The following ELK4 variants were observed in gnomAD, a reference collection of about 807,000 sequenced individuals.
The protein encoded by ELK4 is ETS domain-containing protein Elk-4.
In ELK4, 16 loss-of-function variants were observed where a neutral mutation model predicts 29.6. The ratio of observed to expected loss-of-function variants is 0.54; its 90% CI spans 0.37 to 0.82. The LOEUF is 0.82. ELK4 is among the 40% of genes least tolerant of loss of function. The pLI is 0.00. For synonymous variants in ELK4, 213 were observed against 191.1 expected (o/e 1.11, Z -0.95); for missense variants, 465 against 507.1 (o/e 0.92, Z 0.80).
chr1:205,631,596 G>C (rs1029978181), intron 1 of ELK4, 36 bp downstream of exon 1: 8 of 193,314 alleles, frequency 4.1e-5, no homozygotes, highest in Admixed American at 1.2e-4. Flanking sequence ...CTGTGGCCGC[G>C]AGATCCCGAG....
At chr1:205,630,646 C>T (rs1382947879) in intron 1 of ELK4, among the ~76,000 whole-genome samples, 1 of 152,172 alleles carries the variant, frequency 6.6e-6, no homozygotes, top group African/African-American at 2.4e-5. Flanking sequence ...ACAGTTCTTA[C>T]AATATTCTTA....
Position 205,620,482 on chromosome 1 carries a change from G to A in ELK4, c.564C>T (p.Val188=). ...KKSPQEPTPS[V]IKFVTTPSKK... ...TGGAAGGTGTCGTGACAAATTTGATGACAGATGGTGTGGGCTCCTGAGGAG... is the reference window on the plus strand; with the variant it reads ...TGGAAGGTGTCGTGACAAATTTGATAACAGATGGTGTGGGCTCCTGAGGAG... The change falls in exon 3 of 5, where the codon GTC becomes GTT. Residue 188 remains valine, a synonymous_variant. Coordinates refer to ENST00000357992, the MANE Select transcript of ELK4 (RefSeq NM_001973.4). 6.2e-7 allele frequency: 1 copy of A among 1,614,198 alleles called. No homozygotes were observed. The highest frequency in any genetic ancestry group is 8.5e-7 in the Non-Finnish European group (1 of 1,180,020).
intron 3 of ELK4, 86 bp downstream of exon 3, chr1:205,619,880 C>T: frequency 6.2e-7 from 1 of 1,613,718 alleles, no homozygotes; most frequent in Non-Finnish European, 8.5e-7. Context: ...TAACAGAAAG[C>T]AAACTTGAGT....
rs2102372618 is a variant in ELK4 at position 205,610,897 on chromosome 1, T to C, written c.*5649A>G. On this transcript the variant is annotated 3_prime_UTR_variant, in exon 5 of 5. Coordinates refer to ENST00000357992, the MANE Select transcript of ELK4 (RefSeq NM_001973.4). ...ATGGTCTAGTCTCCCAATTAAATAT[T>C]TCAAAGTAAAGTTTTCAACCTCATA... The C allele has an allele frequency of 8.7e-6, 2 of 228,840 alleles. No individual in the cohort carries two copies. Among genetic ancestry groups the C allele is most frequent in the Middle Eastern group, 2.6e-3 (2 of 764 alleles). 14.2% of individuals were successfully genotyped at this position (228,840 alleles called of 1,614,324 possible).
At position 205,610,794 on chromosome 1, in the gene ELK4, C is replaced by T. The variant is rs1478908558; in HGVS notation, c.*5752G>A. The stretch of plus-strand genomic sequence containing the variant: ...ACACGCGCACACACACACACACACA[C>T]ATTCAGTCAATACATCAGTATATAT... On this transcript the variant is annotated 3_prime_UTR_variant, in exon 5 of 5. Transcript: ENST00000357992. The T allele has an allele frequency of 3.0e-5, 7 of 231,546 alleles. No homozygotes were observed. In the East Asian group the frequency reaches 3.1e-4, roughly 10 times the overall value. 14.3% of individuals were successfully genotyped at this position (231,546 alleles called of 1,614,324 possible). A position where few individuals can be genotyped will look rare whatever the true frequency, so the allele number is the denominator to read the frequency against.
In ELK4 at chr1:205,631,622, GACCGCTCACCGACGCCGCGCGCGGGGCTC is replaced by G; in HGVS notation, c.-29_-10+9del. On this transcript the variant is annotated splice_donor_variant and splice_donor_5th_base_variant and 5_prime_UTR_variant and intron_variant, in exon 1 of 5. Coordinates refer to ENST00000357992, the MANE Select transcript of ELK4 (RefSeq NM_001973.4). LOFTEE classifies it low-confidence loss of function (5UTR_SPLICE). ...AGATCCCGAGGGGGCGCGCGGGGCTGACCGCTCACCGACGCCGCGCGCGGGGCTCCCCCTCGGTCTCCGCCTCGAACACG... is the reference window on the plus strand; with the variant it reads ...AGATCCCGAGGGGGCGCGCGGGGCTGCCCCTCGGTCTCCGCCTCGAACACG... 3.2e-6 allele frequency: 1 copy of G among 309,902 alleles called. No individual in the cohort carries two copies. Among genetic ancestry groups the G allele is most frequent in the Non-Finnish European group, 6.7e-6 (1 of 149,244 alleles). The allele number at this position is 309,902 out of a possible 1,614,324, so 19.2% of individuals were successfully genotyped here. A position where few individuals can be genotyped will look rare whatever the true frequency, so the allele number is the denominator to read the frequency against.
In ELK4 at chr1:205,619,962, C is replaced by G; in HGVS notation, c.1080+4G>C. On this transcript the variant is annotated splice_donor_region_variant and intron_variant, in intron 3 of 4. Transcript: ENST00000357992. ...GGTGACACCATAAAGAGCGAGCAAG[C>G]TACCTGTGAAAAAAATGCTGGTGTA... is the stretch of plus-strand genomic sequence containing the variant. The G allele has an allele frequency of 2.5e-6, 4 of 1,614,156 alleles. No individual in the cohort carries two copies. The highest frequency in any genetic ancestry group is 3.4e-6 in the Non-Finnish European group (4 of 1,180,028).
At chr1:205,622,902 C>T (rs1670376570) in intron 2 of ELK4, among the ~76,000 whole-genome samples, 2 of 152,072 alleles carry the variant, frequency 1.3e-5, no homozygotes, top group Non-Finnish European at 2.9e-5. Flanking sequence ...CTTTGGGAGG[C>T]CAAGGCAGGT....
chr1:205,626,463 C>A (rs1416037048), intron 1 of ELK4, among the ~76,000 whole-genome samples: 1 of 152,106 alleles, frequency 6.6e-6, no homozygotes, highest in Non-Finnish European at 1.5e-5. Context: ...GCCCAAGGGG[C>A]TCAGAACCCC....
In ELK4 at chr1:205,610,733, G is replaced by A. The variant is rs1238822179; in HGVS notation, c.*5813C>T. ...TAAGTTTTAGTATAAAATAGACTAG[G>A]AGCCATCAATGTATGTTCCCTATGA... On this transcript the variant is annotated 3_prime_UTR_variant, in exon 5 of 5. Coordinates refer to ENST00000357992, the MANE Select transcript of ELK4 (RefSeq NM_001973.4). 1 of 232,030 alleles carries A rather than the reference G, an allele frequency of 4.3e-6. No individual in the cohort carries two copies. Among genetic ancestry groups the A allele is most frequent in the Non-Finnish European group, 8.5e-6 (1 of 117,496 alleles). The allele number at this position is 232,030 out of a possible 1,614,324, so 14.4% of individuals were successfully genotyped here.
rs1670171302 is a variant in ELK4 at position 205,612,736 on chromosome 1, G to A, written c.*3810C>T. The A allele has an allele frequency of 4.8e-6, 1 of 210,154 alleles. No individual in the cohort carries two copies. The highest frequency in any genetic ancestry group is 9.7e-6 in the Non-Finnish European group (1 of 103,556). The allele number at this position is 210,154 out of a possible 1,614,324, so 13.0% of individuals were successfully genotyped here. The stretch of plus-strand genomic sequence containing the variant: ...GTTGTCAGACTGGACGTCACACAAT[G>A]CAGGGGTGAATGGAACTGAAGTGAT... On this transcript the variant is annotated 3_prime_UTR_variant, in exon 5 of 5. Coordinates refer to ENST00000357992, the MANE Select transcript of ELK4 (RefSeq NM_001973.4).
At chr1:205,622,422 A>G (rs1411881403) in intron 2 of ELK4, among the ~76,000 whole-genome samples, 1 of 152,150 alleles carries the variant, frequency 6.6e-6, no homozygotes, top group Non-Finnish European at 1.5e-5. Flanking sequence ...TTTCTCCCCA[A>G]CAAGACAGGG....
In ELK4 at chr1:205,614,944, T is replaced by A. The variant is rs998180682; in HGVS notation, c.*1602A>T. 1 of 215,520 alleles carries A rather than the reference T, an allele frequency of 4.6e-6. No homozygotes were observed. 13.4% of individuals were successfully genotyped at this position (215,520 alleles called of 1,614,324 possible). A position where few individuals can be genotyped will look rare whatever the true frequency, so the allele number is the denominator to read the frequency against. On this transcript the variant is annotated 3_prime_UTR_variant, in exon 5 of 5. Transcript: ENST00000357992. Reference sequence around the variant, plus strand: ...ACTGTGATACTGATATCAATTCAGTTTGGGGAACCAACAAATCTGTACCTG... The same window carrying A: ...ACTGTGATACTGATATCAATTCAGTATGGGGAACCAACAAATCTGTACCTG...
chr1:205,609,862 A>G lies in ELK4; in HGVS notation c.*6684T>C. 8.8e-6 allele frequency: 2 copies of G among 227,086 alleles called. No homozygotes were observed. Among genetic ancestry groups the G allele is most frequent in the Non-Finnish European group, 1.8e-5 (2 of 114,214 alleles). The allele number at this position is 227,086 out of a possible 1,614,324, so 14.1% of individuals were successfully genotyped here. A position where few individuals can be genotyped will look rare whatever the true frequency, so the allele number is the denominator to read the frequency against. On this transcript the variant is annotated 3_prime_UTR_variant, in exon 5 of 5. Transcript: ENST00000357992. ...CTAGCCAAAAGGGCATACCTTACAGAGCCTAGAAGAATGGCTCATTAGGTA... is the reference window on the plus strand; with the variant it reads ...CTAGCCAAAAGGGCATACCTTACAGGGCCTAGAAGAATGGCTCATTAGGTA...
intron 3 of ELK4, 33 bp downstream of exon 3, chr1:205,619,933 C>G (rs1343375010): frequency 6.2e-7 from 1 of 1,613,958 alleles, no homozygotes; most frequent in African/African-American, 1.3e-5. Context: ...TAAATGAAAG[C>G]AATGGTGACA....
chr1:205,621,818 T>G (rs1670355992), intron 2 of ELK4, among the ~76,000 whole-genome samples: 1 of 150,884 alleles, frequency 6.6e-6, no homozygotes, highest in Admixed American at 6.6e-5. Context: ...CGCGCCCGGC[T>G]GTGAAAAAGG....
At chr1:205,624,504 A>G (rs140437987) in intron 1 of ELK4, among the ~76,000 whole-genome samples, 2 of 152,336 alleles carry the variant, frequency 1.3e-5, no homozygotes, top group African/African-American at 4.8e-5. Context: ...TGAATTCAGC[A>G]AAGTGTTCTC....
chr1:205,618,090 A>C (rs1433542365), intron 4 of ELK4, among the ~76,000 whole-genome samples: 1 of 151,992 alleles, frequency 6.6e-6, no homozygotes, highest in Non-Finnish European at 1.5e-5. Flanking sequence ...CAGCGGTGCC[A>C]TTATAGCTCA....
Position 205,620,483 on chromosome 1 carries a change from A to G in ELK4, c.563T>C (p.Val188Ala), listed in dbSNP as rs774290171. The change falls in exon 3 of 5, where the codon GTC becomes GCC. Residue 188 changes from valine (V) to alanine (A), a missense_variant. By Grantham distance (64) the Val-to-Ala change is moderately conservative (BLOSUM62 0). Around this residue, in one of 2 missense-constraint regions of ELK4, gnomAD observed 385 missense variants for 387.5 expected, o/e 0.99. Coordinates refer to ENST00000357992, the MANE Select transcript of ELK4 (RefSeq NM_001973.4). ...GGAAGGTGTCGTGACAAATTTGATGACAGATGGTGTGGGCTCCTGAGGAGA... is the reference window on the plus strand; with the variant it reads ...GGAAGGTGTCGTGACAAATTTGATGGCAGATGGTGTGGGCTCCTGAGGAGA... ...KKSPQEPTPS[V>A]IKFVTTPSKK... The G allele has an allele frequency of 6.2e-7, 1 of 1,614,098 alleles. No homozygotes were observed. The highest frequency in any genetic ancestry group is 1.1e-5 in the South Asian group (1 of 91,070).
Sources: allele counts gnomAD v4.1 joint callset (sites outside exome capture counted in the v4.1 genomes callset), GRCh38; gene constraint gnomAD v4.1.1; regional missense constraint gnomAD v4.1.1; transcripts MANE v1.5; gene names NCBI Gene and HGNC (gene_info 2026-07-23, HGNC 2026-07-21).